SV2B: variants seen among roughly 807,000 people sequenced by gnomAD.
SV2B encodes synaptic vesicle glycoprotein 2B.
A neutral mutation model predicts 73.9 loss-of-function variants in SV2B; 41 were observed. The ratio of observed to expected loss-of-function variants is 0.56; its 90% CI spans 0.43 to 0.72. The LOEUF is 0.72. SV2B is among the 30% of genes least tolerant of loss of function. The pLI is 0.00. For missense variants in SV2B, 764 were observed against 857.8 expected (o/e 0.89, Z 1.37); for synonymous variants, 314 against 314.2 (o/e 1.00, Z 0.01).
intron 1 of SV2B, among the ~76,000 whole-genome samples, chr15:91,166,088 T>G (rs1422181829): frequency 1.3e-5 from 2 of 152,220 alleles, no homozygotes; most frequent in East Asian, 3.8e-4. Context: ...ATTTGAATTG[T>G]TGTTCCCTTA....
chr15:91,119,165 C>A (rs2151741283), intron 1 of SV2B, among the ~76,000 whole-genome samples: 1 of 152,322 alleles, frequency 6.6e-6, no homozygotes, highest in South Asian at 2.1e-4. Context: ...GTTGGCATTT[C>A]TAAGGGAATA....
chr15:91,150,962 A>G (rs1364968999), intron 1 of SV2B, among the ~76,000 whole-genome samples: 1 of 152,152 alleles, frequency 6.6e-6, no homozygotes, highest in Non-Finnish European at 1.5e-5. Flanking sequence ...GACTCATATG[A>G]TTATGATGAA....
At chr15:91,114,322 G>A (rs1448314387) in intron 1 of SV2B, among the ~76,000 whole-genome samples, 1 of 152,016 alleles carries the variant, frequency 6.6e-6, no homozygotes, top group African/African-American at 2.4e-5. Context: ...GTTAATCTAT[G>A]AGTTCACCAC....
intron 2 of SV2B, among the ~76,000 whole-genome samples, chr15:91,247,341 A>G (rs539879532): frequency 2.0e-5 from 3 of 152,328 alleles, no homozygotes; most frequent in South Asian, 2.1e-4. Flanking sequence ...AAGTTTTTCA[A>G]TTTGTCTAGG....
intron 1 of SV2B, among the ~76,000 whole-genome samples, chr15:91,125,781 C>CAAAAAAAAAAAAAAAAAAA (rs200016125): frequency 0.017 from 988 of 56,540 alleles, 118 homozygotes; most frequent in Non-Finnish European, 0.027. Context: ...TCTCAAGGGG[C>CAAAAAAAAAAAAAAAAAAA]AAAAAAAAAA....
In SV2B at chr15:91,268,503, A is replaced by G; in HGVS notation, c.1271A>G (p.Lys424Arg). The stretch of plus-strand genomic sequence containing the variant: ...CGCTATTTTCAAGATGAAGAATACA[A>G]GTCTAAAATGAAGGTGTTTTTTGGT... ...MIRYFQDEEYKSKMKVFFGEH... is the reference protein window; with the variant it reads ...MIRYFQDEEYRSKMKVFFGEH... The change falls in exon 9 of 13, where the codon AAG (lysine) becomes AGG (arginine). Residue 424 changes from lysine to arginine, a missense_variant. Transcript: ENST00000394232. This position sits in a 1 kb window ranked among gnomAD's most constrained non-coding sequence, Gnocchi z 4.4. The G allele has an allele frequency of 6.2e-7, 1 of 1,614,152 alleles. No homozygotes were observed. Among genetic ancestry groups the G allele is most frequent in the Non-Finnish European group, 8.5e-7 (1 of 1,179,992 alleles).
At position 91,100,420 on chromosome 15, in the gene SV2B, G is replaced by C. The variant is rs2041689497; in HGVS notation, c.-392+57G>C. 6.6e-6 allele frequency: 1 copy of C among 152,338 alleles called. No individual in the cohort carries two copies. The highest frequency in any genetic ancestry group is 1.5e-5 in the Non-Finnish European group (1 of 68,116). The allele number at this position is 152,338 out of a possible 1,614,324, so 9.4% of individuals were successfully genotyped here. A position where few individuals can be genotyped will look rare whatever the true frequency, so the allele number is the denominator to read the frequency against. On this transcript the variant is annotated intron_variant, in intron 1 of 12. Transcript: ENST00000394232. This position sits in a 1 kb window ranked among gnomAD's most constrained non-coding sequence, Gnocchi z 6.4. ...CCGACCCAGCCGGGGCGCGGACCCC[G>C]CGTGCGCCAGGGCTCCCAGACTCGC...
At position 91,236,613 on chromosome 15, in the gene SV2B, T is replaced by A. The variant is rs2046792553; in HGVS notation, c.451+9899T>A. ...AGAGGGTTTAGAGATGGATCTTTTA[T>A]AGAATCATAAAGGACTTTATTCTGG... On this transcript the variant is annotated intron_variant, in intron 2 of 12. Transcript: ENST00000394232. The surrounding 1 kb of genome is among the most constrained non-coding windows in gnomAD (Gnocchi z 4.1). Among the ~76,000 whole-genome samples, 1 of 152,232 alleles carries A rather than the reference T, an allele frequency of 6.6e-6. No homozygotes were observed. Among genetic ancestry groups the A allele is most frequent in the Non-Finnish European group, 1.5e-5 (1 of 68,036 alleles).
intron 9 of SV2B, among the ~76,000 whole-genome samples, chr15:91,276,116 T>C (rs539701557): frequency 2.0e-5 from 3 of 152,060 alleles, no homozygotes; most frequent in Non-Finnish European, 4.4e-5. Flanking sequence ...TATTGTCTTT[T>C]GGCTTGCATA....
At chr15:91,277,635 G>A (rs1389618737) in intron 9 of SV2B, among the ~76,000 whole-genome samples, 1 of 152,176 alleles carries the variant, frequency 6.6e-6, no homozygotes, top group African/African-American at 2.4e-5. Flanking sequence ...ATTTTTAGTA[G>A]TTTATTTTTA....
At chr15:91,117,412 G>A (rs964043437) in intron 1 of SV2B, among the ~76,000 whole-genome samples, 3 of 152,204 alleles carry the variant, frequency 2.0e-5, no homozygotes, top group Non-Finnish European at 4.4e-5. Context: ...CAATAATGCT[G>A]CCTAACAAAT....
chr15:91,163,797 G>A (rs1164207074), intron 1 of SV2B, among the ~76,000 whole-genome samples: 1 of 152,196 alleles, frequency 6.6e-6, no homozygotes, highest in Non-Finnish European at 1.5e-5. Flanking sequence ...TTTGGCTTTT[G>A]TTGCCATTGC....
intron 1 of SV2B, among the ~76,000 whole-genome samples, chr15:91,157,017 T>C (rs773883805): frequency 3.9e-5 from 6 of 152,186 alleles, no homozygotes; most frequent in Non-Finnish European, 8.8e-5. Context: ...ATAGCTGCAT[T>C]TGACTCCCAG....
At chr15:91,233,608 A>G (rs191264311) in intron 2 of SV2B, among the ~76,000 whole-genome samples, 1 of 152,128 alleles carries the variant, frequency 6.6e-6, no homozygotes, top group African/African-American at 2.4e-5. Context: ...TAGCATGGGG[A>G]TGTGTGGGAA....
At chr15:91,209,400 G>A (rs1372078422) in intron 1 of SV2B, among the ~76,000 whole-genome samples, 1 of 152,186 alleles carries the variant, frequency 6.6e-6, no homozygotes, top group Non-Finnish European at 1.5e-5. Flanking sequence ...GGGATTAGAG[G>A]TGTGAGCCAC....
chr15:91,248,829 G>T (rs993449587), intron 2 of SV2B, among the ~76,000 whole-genome samples: 2 of 152,154 alleles, frequency 1.3e-5, no homozygotes, highest in African/African-American at 4.8e-5. Context: ...TTTGAGAAGT[G>T]CTGAAGACAG....
At chr15:91,168,244 C>T (rs1203970650) in intron 1 of SV2B, among the ~76,000 whole-genome samples, 1 of 150,992 alleles carries the variant, frequency 6.6e-6, no homozygotes, top group African/African-American at 2.4e-5. Context: ...TTTAGCCTCC[C>T]TGCACAGTTC....
intron 1 of SV2B, among the ~76,000 whole-genome samples, chr15:91,215,173 C>T (rs2045983129): frequency 6.6e-6 from 1 of 152,178 alleles, no homozygotes; most frequent in Non-Finnish European, 1.5e-5. Flanking sequence ...CCCTTCCCTA[C>T]CAGCTTAGCT....
chr15:91,175,317 C>T lies in SV2B; in HGVS notation c.-391-50556C>T, dbSNP rs371206940. Among the ~76,000 whole-genome samples, 8 of 151,844 alleles carry T rather than the reference C, an allele frequency of 5.3e-5. No individual in the cohort carries two copies. In the East Asian group the frequency reaches 7.8e-4, roughly 15 times the overall value. The stretch of plus-strand genomic sequence containing the variant: ...TAGCCCAGGCTGGAGTGCAAGGGCA[C>T]GATCTCGGCTTACTGCAACCTCCGC... On this transcript the variant is annotated intron_variant, in intron 1 of 12. Coordinates refer to ENST00000394232, the MANE Select transcript of SV2B (RefSeq NM_001323032.3).
Sources: allele counts gnomAD v4.1 joint callset (sites outside exome capture counted in the v4.1 genomes callset), GRCh38; gene constraint gnomAD v4.1.1; non-coding constraint Gnocchi (gnomAD v3.1); transcripts MANE v1.5; gene names NCBI Gene and HGNC (gene_info 2026-07-23, HGNC 2026-07-21).